Variants in PDZD2 observed in about 807,000 individuals in gnomAD.
The protein encoded by PDZD2 is PDZ domain containing 2.
A neutral mutation model predicts 220.7 loss-of-function variants in PDZD2; 90 were observed. The observed-to-expected ratio is 0.41, with a 90% CI of 0.34 to 0.49. The LOEUF (loss-of-function observed/expected upper bound fraction) is 0.49, where lower values mean the gene tolerates loss of function less well. PDZD2 is among the 20% of genes least tolerant of loss of function. The pLI is 0.28. For synonymous variants in PDZD2, 1,375 were observed against 1,450.5 expected, an observed-to-expected ratio of 0.95 and a Z score of 1.18; for missense variants, 3,174 against 3,608.5, an observed-to-expected ratio of 0.88 and a Z score of 3.08.
Position 32,074,556 on chromosome 5 carries a change from T to C in PDZD2, c.3450T>C (p.Asn1150=), listed in dbSNP as rs1280507377. The C allele has an allele frequency of 1.9e-6, 3 of 1,614,078 alleles. No homozygotes were observed. In the East Asian group the frequency reaches 6.7e-5, roughly 36 times the overall value. Residue 1150 remains asparagine, a synonymous_variant, in exon 18 of 25, where the codon AAT becomes AAC. Transcript: ENST00000438447. ...CAGTGAACCTGACTGGCAGAGCCAA[T>C]GATCCATGCGATCTGGACTCGAGAG... is the stretch of plus-strand genomic sequence containing the variant. The part of the protein sequence containing the change: ...SQTVNLTGRA[N]DPCDLDSRVQ...
At position 32,087,913 on chromosome 5, in the gene PDZD2, G is replaced by A. The variant is rs748902809; in HGVS notation, c.4465G>A (p.Ala1489Thr). The A allele has an allele frequency of 6.2e-7, 1 of 1,613,714 alleles. No homozygotes were observed. The highest frequency in any genetic ancestry group is 8.5e-7 in the Non-Finnish European group (1 of 1,179,884). ...CTCCTCCCCGAGGAGGGCCTGGGCT[G>A]CTGGTGCCCCCGCCTACCCACAATG... is the stretch of plus-strand genomic sequence containing the variant. ...QTSSPRRAWA[A>T]GAPAYPQWAS... The change falls in exon 20 of 25, where the codon GCT (alanine) becomes ACT (threonine). Residue 1489 changes from alanine to threonine, a missense_variant. Transcript: ENST00000438447. This position sits in a 1 kb window ranked among gnomAD's most constrained non-coding sequence, Gnocchi z 4.0.
intron 2 of PDZD2, among the ~76,000 whole-genome samples, chr5:31,835,352 G>A (rs1756882707): frequency 6.6e-6 from 1 of 152,162 alleles, no homozygotes; most frequent in African/African-American, 2.4e-5. Context: ...AGGAGCAGTG[G>A]CTCACACCTG....
At chr5:31,864,493 C>T (rs573142277) in intron 2 of PDZD2, among the ~76,000 whole-genome samples, 21 of 152,082 alleles carry the variant, frequency 1.4e-4, no homozygotes, top group African/African-American at 4.8e-4. Context: ...ATGCCAGTTA[C>T]GTTTACTACA....
intron 1 of PDZD2, among the ~76,000 whole-genome samples, chr5:31,666,201 G>T (rs1000705580): frequency 2.0e-5 from 3 of 152,224 alleles, no homozygotes; most frequent in Non-Finnish European, 4.4e-5. Flanking sequence ...TTTGACCAGG[G>T]AGGAGAAGGA....
Position 32,060,982 on chromosome 5 carries a change from G to T in PDZD2, c.2319-20G>T. On this transcript the variant is annotated intron_variant, in intron 13 of 24. Transcript: ENST00000438447. ...AAGCTGGCTGCTAACACAGAGTGTG[G>T]ATTCTGTTGCCCTCCCTAGCCGCGG... The T allele has an allele frequency of 8.1e-6, 13 of 1,613,782 alleles. No individual in the cohort carries two copies. The highest frequency in any genetic ancestry group is 1.1e-5 in the Non-Finnish European group (13 of 1,179,684).
At chr5:31,880,898 T>C (rs1430390823) in intron 2 of PDZD2, among the ~76,000 whole-genome samples, 1 of 141,742 alleles carries the variant, frequency 7.1e-6, no homozygotes, top group Non-Finnish European at 1.5e-5. Context: ...GCCTCCCAGG[T>C]TCAAGCGATT....
At chr5:32,097,704 C>A (rs539028961) in intron 22 of PDZD2, among the ~76,000 whole-genome samples, 2 of 152,254 alleles carry the variant, frequency 1.3e-5, no homozygotes, top group East Asian at 3.9e-4. Flanking sequence ...TACAATTACT[C>A]CCGTCTCAAA....
At chr5:31,977,266 G>A (rs73070440) in intron 2 of PDZD2, among the ~76,000 whole-genome samples, 4,331 of 152,230 alleles carry the variant, frequency 0.028, 212 homozygotes, top group African/African-American at 0.099. Flanking sequence ...TGAATGCCCA[G>A]GATGATTTTC....
chr5:32,038,438 G>A (rs907578250), intron 7 of PDZD2, among the ~76,000 whole-genome samples: 3 of 151,920 alleles, frequency 2.0e-5, no homozygotes, highest in African/African-American at 7.3e-5. Flanking sequence ...TTGGGAGACT[G>A]AGGCAGGGGA....
intron 2 of PDZD2, among the ~76,000 whole-genome samples, chr5:31,890,228 T>A (rs1048702049): frequency 8.6e-5 from 13 of 150,368 alleles, no homozygotes; most frequent in African/African-American, 2.7e-4. Flanking sequence ...CGGTGTTCTT[T>A]CTGTGAGGTG....
At chr5:32,018,033 A>AT in intron 6 of PDZD2, among the ~76,000 whole-genome samples, 1 of 152,354 alleles carries the variant, frequency 6.6e-6, no homozygotes, top group Admixed American at 6.5e-5. Flanking sequence ...GAAAAGTCAC[A>AT]TTATAGCTCA....
At chr5:32,080,897 C>T (rs2112436235) in intron 19 of PDZD2, among the ~76,000 whole-genome samples, 1 of 152,050 alleles carries the variant, frequency 6.6e-6, no homozygotes, top group East Asian at 1.9e-4. Context: ...GGGAAGGGAA[C>T]ATCACACACT....
chr5:31,755,616 CTT>C (rs34226643), intron 1 of PDZD2, among the ~76,000 whole-genome samples: 4,007 of 137,636 alleles, frequency 0.029, 149 homozygotes, highest in East Asian at 0.086. Context: ...GGTGGTGTGT[CTT>C]TTTTTTTTTT....
rs554737056 is a variant in PDZD2, at chr5:31,718,418, C to T, written c.-361+78981C>T. 1.5e-4 allele frequency among the ~76,000 whole-genome samples: 23 copies of T among 152,310 alleles called. No individual in the cohort carries two copies. The South Asian group carries it at 4.6e-3, about 30-fold the overall frequency. On this transcript the variant is annotated intron_variant, in intron 1 of 24. Coordinates refer to ENST00000438447, the MANE Select transcript of PDZD2 (RefSeq NM_178140.4). ...GCTGGGAGGCCTGAAAGAAAGGCAT[C>T]TTAGTCTGCCTGGGCTGCCATAACA...
At chr5:31,883,473 G>A (rs1359871722) in intron 2 of PDZD2, among the ~76,000 whole-genome samples, 5 of 151,746 alleles carry the variant, frequency 3.3e-5, no homozygotes, top group Non-Finnish European at 5.9e-5. Flanking sequence ...TGCCCACCTC[G>A]ACCTCCCAGA....
At chr5:32,028,167 C>CGCTTTGCAT (rs1265872254) in intron 6 of PDZD2, among the ~76,000 whole-genome samples, 1 of 152,036 alleles carries the variant, frequency 6.6e-6, no homozygotes, top group African/African-American at 2.4e-5. Flanking sequence ...ATAAAAGCCA[C>CGCTTTGCAT]GCTTTGCATG....
chr5:31,809,457 G>A lies in PDZD2; in HGVS notation c.476+9733G>A, dbSNP rs776547027. 1.6e-4 allele frequency among the ~76,000 whole-genome samples: 25 copies of A among 152,238 alleles called. 1 individual carries two copies. The highest frequency in any genetic ancestry group is 6.8e-3 in the Middle Eastern group (2 of 294). ...TGTGGCCCTGGGAGGTGCCCCATTC[G>A]AGTCCCTTCACACACACAGCCTCGG... On this transcript the variant is annotated intron_variant, in intron 2 of 24. Transcript: ENST00000438447.
chr5:31,781,048 C>T (rs73058480), intron 1 of PDZD2, among the ~76,000 whole-genome samples: 4,291 of 152,276 alleles, frequency 0.028, 215 homozygotes, highest in African/African-American at 0.095. Flanking sequence ...CTTACACCAC[C>T]GATCAGTTAG....
At chr5:32,005,319 A>G (rs1011060169) in intron 5 of PDZD2, among the ~76,000 whole-genome samples, 1 of 152,206 alleles carries the variant, frequency 6.6e-6, no homozygotes, top group African/African-American at 2.4e-5. Flanking sequence ...AGGATGCCTT[A>G]TGTTTCCACA....
Sources: allele counts gnomAD v4.1 joint callset (sites outside exome capture counted in the v4.1 genomes callset), GRCh38; gene constraint gnomAD v4.1.1; non-coding constraint Gnocchi (gnomAD v3.1); transcripts MANE v1.5; gene names NCBI Gene and HGNC (gene_info 2026-07-23, HGNC 2026-07-21).